KLHL29: variants seen among roughly 807,000 people sequenced by gnomAD.
The protein encoded by KLHL29 is kelch like family member 29, also known as kelch-like protein 29.
Under a neutral mutation model 80.4 loss-of-function variants are expected in KLHL29, and 21 were observed. The observed-to-expected ratio is 0.26, with a 90% CI of 0.19 to 0.38. The LOEUF (loss-of-function observed/expected upper bound fraction) is 0.38, where lower values mean the gene tolerates loss of function less well. Among genes scored for constraint, KLHL29 ranks in the 10% least tolerant of loss-of-function variants. The pLI, the probability that KLHL29 is intolerant of heterozygous loss-of-function variation, is 1.00. For missense variants in KLHL29, 867 were observed against 1,223.9 expected, an observed-to-expected ratio of 0.71 and a Z score of 4.35; for synonymous variants, 511 against 526.8, an observed-to-expected ratio of 0.97 and a Z score of 0.41.
At chr2:23,606,128 T>A (rs10185567) in intron 3 of KLHL29, among the ~76,000 whole-genome samples, 60,777 of 150,156 alleles carry the variant, frequency 0.4, 12,507 homozygotes, top group East Asian at 0.65. Flanking sequence ...GGGGGGATCA[T>A]TCCGTGAGCT....
intron 5 of KLHL29, among the ~76,000 whole-genome samples, chr2:23,656,024 C>G (rs1432138823): frequency 6.6e-6 from 1 of 152,244 alleles, no homozygotes; most frequent in African/African-American, 2.4e-5. Flanking sequence ...CACAGAACAT[C>G]TGCTGAAGAC....
At chr2:23,403,850 G>A (rs1666658737) in intron 1 of KLHL29, among the ~76,000 whole-genome samples, 1 of 151,990 alleles carries the variant, frequency 6.6e-6, no homozygotes, top group Non-Finnish European at 1.5e-5. Flanking sequence ...GCGTGTGTGT[G>A]CATATGTGTT....
rs1666768797 is a variant in KLHL29 at position 23,539,431 on chromosome 2, C to CTTTTTTTTTTTTTTTTTTTTTTTTTTTTT, written c.-45-22721_-45-22720insTTTTTTTTTTTTTTTTTTTTTTTTTTTTT. On this transcript the variant is annotated intron_variant, in intron 2 of 13. Coordinates refer to ENST00000486442, the MANE Select transcript of KLHL29 (RefSeq NM_052920.2). ...ATGCTTTGCTAGCCTTATCCTGCCT[C>CTTTTTTTTTTTTTTTTTTTTTTTTTTTTT]CTTTTTTTTTTTTTTTTTTTTTTTT... Among the ~76,000 whole-genome samples the CTTTTTTTTTTTTTTTTTTTTTTTTTTTTT allele has an allele frequency of 7.5e-5, 8 of 107,216 alleles. 4 individuals are homozygous for CTTTTTTTTTTTTTTTTTTTTTTTTTTTTT. The highest frequency in any genetic ancestry group is 7.1e-5 in the African/African-American group (2 of 28,106). The allele number at this position is 107,216 out of a possible 152,430, so 70.3% of individuals were successfully genotyped here. A position where few individuals can be genotyped will look rare whatever the true frequency, so the allele number is the denominator to read the frequency against.
Position 23,444,196 on chromosome 2 carries a change from T to G in KLHL29, c.-153-31364T>G, listed in dbSNP as rs796416600. Among the ~76,000 whole-genome samples the G allele has an allele frequency of 1.1e-4, 16 of 152,300 alleles. 1 individual carries two copies. The highest frequency in any genetic ancestry group is 3.6e-4 in the African/African-American group (15 of 41,550). The stretch of plus-strand genomic sequence containing the variant: ...CTAGGGATGCTCGTTCTAAGGCCAT[T>G]TAGTGGATAGAGCTAGGAAACATAG... On this transcript the variant is annotated intron_variant, in intron 1 of 13. Transcript: ENST00000486442.
At position 23,633,756 on chromosome 2, in the gene KLHL29, C is replaced by CGTGTGT. The variant is rs1181808728; in HGVS notation, c.286-5352_286-5347dup. ...TCTCTGTCAAAAGAGTCACAGCACTCGTGTGTGTGTGTGTGTGTGTGTGTG... is the reference window on the plus strand; with the variant it reads ...TCTCTGTCAAAAGAGTCACAGCACTCGTGTGTGTGTGTGTGTGTGTGTGTGTGTGTG... On this transcript the variant is annotated intron_variant, in intron 3 of 13. Transcript: ENST00000486442. 3.8e-3 allele frequency among the ~76,000 whole-genome samples: 557 copies of CGTGTGT among 147,224 alleles called. 3 individuals carry two copies. The highest frequency in any genetic ancestry group is 0.014 in the Middle Eastern group (4 of 294).
At chr2:23,514,067 C>G (rs903830406) in intron 2 of KLHL29, among the ~76,000 whole-genome samples, 6 of 152,144 alleles carry the variant, frequency 3.9e-5, no homozygotes, top group African/African-American at 1.4e-4. Flanking sequence ...GCTGTTAGAA[C>G]CTGTGTTTAT....
intron 3 of KLHL29, among the ~76,000 whole-genome samples, chr2:23,586,189 C>T (rs1214448253): frequency 6.6e-6 from 1 of 151,994 alleles, no homozygotes; most frequent in Non-Finnish European, 1.5e-5. Context: ...GTAAGCGATA[C>T]ATAAAATAAA....
chr2:23,566,220 G>T (rs1329841316), intron 3 of KLHL29, among the ~76,000 whole-genome samples: 1 of 152,238 alleles, frequency 6.6e-6, no homozygotes, highest in Non-Finnish European at 1.5e-5. Flanking sequence ...GGAGGGTCTG[G>T]TGGGCTCCCC....
At chr2:23,652,939 T>C (rs533859812) in intron 5 of KLHL29, among the ~76,000 whole-genome samples, 1 of 152,224 alleles carries the variant, frequency 6.6e-6, no homozygotes, top group Non-Finnish European at 1.5e-5. Flanking sequence ...TGCCCCTAAC[T>C]TGGGAGCAAG....
At position 23,696,644 on chromosome 2, in the gene KLHL29, C is replaced by A; in HGVS notation, c.2105+131C>A. 1.4e-6 allele frequency: 1 copy of A among 692,990 alleles called. No homozygotes were observed. The highest frequency in any genetic ancestry group is 2.4e-6 in the Non-Finnish European group (1 of 422,792). The allele number at this position is 692,990 out of a possible 1,614,324, so 42.9% of individuals were successfully genotyped here. On this transcript the variant is annotated intron_variant, in intron 11 of 13. Transcript: ENST00000486442. The surrounding 1 kb of genome is among the most constrained non-coding windows in gnomAD (Gnocchi z 5.5). Reference sequence around the variant, plus strand: ...AGCCTGGACCATTCATATGGGCAGTCATCCCAGGCTCTTCAGTCACAGCAC... The same window carrying A: ...AGCCTGGACCATTCATATGGGCAGTAATCCCAGGCTCTTCAGTCACAGCAC...
At chr2:23,652,781 G>A (rs1670120866) in intron 5 of KLHL29, among the ~76,000 whole-genome samples, 2 of 152,128 alleles carry the variant, frequency 1.3e-5, no homozygotes, top group Non-Finnish European at 2.9e-5. Context: ...CAAATGAAGC[G>A]AAAAGAGAAA....
At chr2:23,453,864 C>T (rs1663961052) in intron 1 of KLHL29, among the ~76,000 whole-genome samples, 3 of 152,146 alleles carry the variant, frequency 2.0e-5, no homozygotes, top group Middle Eastern at 6.8e-3. Flanking sequence ...AACTCTAGCA[C>T]TTTTTATTTA....
chr2:23,502,973 T>TTTTTTC (rs1320150977), intron 2 of KLHL29, among the ~76,000 whole-genome samples: 3 of 151,904 alleles, frequency 2.0e-5, no homozygotes, highest in Non-Finnish European at 4.4e-5. Flanking sequence ...GAAATATTTC[T>TTTTTTC]TTTTTCTTTT....
intron 3 of KLHL29, among the ~76,000 whole-genome samples, chr2:23,590,669 C>A (rs1199187330): frequency 6.6e-6 from 1 of 152,212 alleles, no homozygotes; most frequent in African/African-American, 2.4e-5. Flanking sequence ...ACTTCAGGGG[C>A]AGCTTCTGAA....
intron 3 of KLHL29, among the ~76,000 whole-genome samples, chr2:23,622,427 C>G (rs770023411): frequency 6.6e-6 from 1 of 152,244 alleles, no homozygotes; most frequent in East Asian, 1.9e-4. Context: ...GTTTTCTTAC[C>G]TGACTCCACC....
rs1475684165 is a variant in KLHL29 at position 23,642,526 on chromosome 2, C to T, written c.616C>T (p.Leu206Phe). The T allele has an allele frequency of 1.3e-6, 2 of 1,536,124 alleles. No homozygotes were observed. The highest frequency in any genetic ancestry group is 2.5e-5 in the East Asian group (1 of 40,434). The change falls in exon 5 of 14, where the codon CTC (leucine) becomes TTC (phenylalanine). Residue 206 changes from leucine to phenylalanine, a missense_variant. By Grantham distance (22) the Leu-to-Phe change is conservative (BLOSUM62 0). Around this residue, in one of 2 missense-constraint regions of KLHL29, gnomAD observed 424 missense variants for 456.9 expected, o/e 0.93. Transcript: ENST00000486442. ...CCCGCTGATGCCAGGCCACTACTCGCTCCCTCAGCCGCCCTCTCAGCCACT... is the reference window on the plus strand; with the variant it reads ...CCCGCTGATGCCAGGCCACTACTCGTTCCCTCAGCCGCCCTCTCAGCCACT... ...QLPLMPGHYS[L>F]PQPPSQPLSS...
chr2:23,690,114 CCT>C (rs1022215205), intron 6 of KLHL29: 1 of 152,414 alleles, frequency 6.6e-6, no homozygotes, highest in East Asian at 1.9e-4. Flanking sequence ...TGCACCTCCC[CCT>C]CTCCTCCTGG....
chr2:23,628,131 C>T (rs906713868), intron 3 of KLHL29, among the ~76,000 whole-genome samples: 4 of 152,012 alleles, frequency 2.6e-5, no homozygotes, highest in African/African-American at 7.2e-5. Context: ...AGGCTGGTCT[C>T]GAACTCCTGA....
intron 5 of KLHL29, among the ~76,000 whole-genome samples, chr2:23,670,913 A>ATGCGCG (rs1553353327): frequency 6.5e-5 from 1 of 15,412 alleles, no homozygotes; most frequent in Non-Finnish European, 2.0e-4. Flanking sequence ...ACACACATGC[A>ATGCGCG]CGCGCTCTCT....
Sources: allele counts gnomAD v4.1 joint callset (sites outside exome capture counted in the v4.1 genomes callset), GRCh38; gene constraint gnomAD v4.1.1; regional missense constraint gnomAD v4.1.1; non-coding constraint Gnocchi (gnomAD v3.1); transcripts MANE v1.5; gene names NCBI Gene and HGNC (gene_info 2026-07-23, HGNC 2026-07-21).